Variants in TRAF3 observed in about 807,000 individuals in gnomAD.
TRAF3 encodes TNF receptor associated factor 3.
Under a neutral mutation model 62.3 loss-of-function variants are expected in TRAF3, and 13 were observed. The observed-to-expected ratio is 0.21, with a 90% CI of 0.14 to 0.33. The LOEUF (loss-of-function observed/expected upper bound fraction) is 0.33, where lower values mean the gene tolerates loss of function less well. TRAF3 is among the 10% of genes least tolerant of loss of function. TRAF3 has a pLI of 1.00. For synonymous variants in TRAF3, 269 were observed against 283.4 expected (o/e 0.95, Z 0.51); for missense variants, 440 against 741.8 (o/e 0.59, Z 4.73).
At position 102,811,061 on chromosome 14, in the gene TRAF3, T is replaced by G. The variant is rs578122324; in HGVS notation, c.-156-19273T>G. 3.9e-5 allele frequency among the ~76,000 whole-genome samples: 6 copies of G among 152,322 alleles called. 1 individual carries two copies. The South Asian group carries it at 1.2e-3, about 32-fold the overall frequency. On this transcript the variant is annotated intron_variant, in intron 1 of 11. Coordinates refer to ENST00000392745, the MANE Select transcript of TRAF3 (RefSeq NM_145725.3). ...ATTTTCCTCATTATCCCCACACCATTAGCATCTTGGTGTATAGTCTTTGCA... is the reference window on the plus strand; with the variant it reads ...ATTTTCCTCATTATCCCCACACCATGAGCATCTTGGTGTATAGTCTTTGCA...
At position 102,903,383 on chromosome 14, in the gene TRAF3, G is replaced by A; in HGVS notation, c.1089G>A (p.Glu363=). ...AGTCCCTCCAGAACCGCGTGACCGA[G>A]CTGGAGAGCGTGGACAAGAGCGCGG... ...SVESLQNRVT[E]LESVDKSAGQ... is the part of the protein sequence containing the mutation. The change falls in exon 11 of 12, where the codon GAG becomes GAA. Residue 363 remains glutamate (E), a synonymous_variant. Transcript: ENST00000392745. This position sits in a 1 kb window ranked among gnomAD's most constrained non-coding sequence, Gnocchi z 6.4. 1.9e-6 allele frequency: 3 copies of A among 1,614,166 alleles called. No homozygotes were observed. Among genetic ancestry groups the A allele is most frequent in the Non-Finnish European group, 2.5e-6 (3 of 1,180,040 alleles).
At chr14:102,885,452 C>G (rs1296639760) in intron 6 of TRAF3, among the ~76,000 whole-genome samples, 1 of 152,162 alleles carries the variant, frequency 6.6e-6, no homozygotes, top group Admixed American at 6.5e-5. Flanking sequence ...CAGTCTCTCC[C>G]CAGGGGCCCT....
chr14:102,900,203 A>AAAAAAAG (rs775030784), intron 10 of TRAF3, among the ~76,000 whole-genome samples: 3 of 143,870 alleles, frequency 2.1e-5, no homozygotes, highest in Non-Finnish European at 3.0e-5. Context: ...AAAAAAAAAA[A>AAAAAAAG]GACAGCCTAG....
At chr14:102,873,387 C>T (rs559905942) in intron 4 of TRAF3, among the ~76,000 whole-genome samples, 2 of 152,324 alleles carry the variant, frequency 1.3e-5, no homozygotes, top group Non-Finnish European at 2.9e-5. Context: ...TAGCATGGTA[C>T]TCGGCCGCCT....
intron 1 of TRAF3, among the ~76,000 whole-genome samples, chr14:102,820,144 A>G (rs1899803357): frequency 6.6e-6 from 1 of 152,124 alleles, no homozygotes; most frequent in Non-Finnish European, 1.5e-5. Context: ...AGCGTCCTCT[A>G]CAGGTGCGGT....
At chr14:102,820,814 T>TA (rs1899936591) in intron 1 of TRAF3, among the ~76,000 whole-genome samples, 1 of 150,508 alleles carries the variant, frequency 6.6e-6, no homozygotes, top group Non-Finnish European at 1.5e-5. Flanking sequence ...AAAATTTTTT[T>TA]ATAGAGACAG....
intron 2 of TRAF3, among the ~76,000 whole-genome samples, chr14:102,857,534 G>A (rs1887442160): frequency 6.6e-6 from 1 of 152,198 alleles, no homozygotes; most frequent in Non-Finnish European, 1.5e-5. Flanking sequence ...GCCAAGCCCA[G>A]CCATGGGTTT....
Position 102,905,948 on chromosome 14 carries a change from T to G in TRAF3, c.*164T>G. On this transcript the variant is annotated 3_prime_UTR_variant, in exon 12 of 12. Transcript: ENST00000392745. ...GGGAGGAGCCACGCGTGAGCACACC[T>G]GACACGTTTTATAATAGACTAGCCA... 1 of 603,748 alleles carries G rather than the reference T, an allele frequency of 1.7e-6. No individual in the cohort carries two copies. The highest frequency in any genetic ancestry group is 2.9e-6 in the Non-Finnish European group (1 of 340,796). The allele number at this position is 603,748 out of a possible 1,614,324, so 37.4% of individuals were successfully genotyped here. A position where few individuals can be genotyped will look rare whatever the true frequency, so the allele number is the denominator to read the frequency against.
At chr14:102,830,946 G>T (rs1380271062) in intron 2 of TRAF3, among the ~76,000 whole-genome samples, 4 of 152,202 alleles carry the variant, frequency 2.6e-5, no homozygotes, top group Non-Finnish European at 5.9e-5. Flanking sequence ...GTAATAAGAG[G>T]TTCGGCTTAC....
At chr14:102,836,145 G>T (rs1424763332) in intron 2 of TRAF3, among the ~76,000 whole-genome samples, 4 of 152,204 alleles carry the variant, frequency 2.6e-5, no homozygotes, top group Admixed American at 2.6e-4. Context: ...AGCCAGTGCC[G>T]TGTGCAAGGT....
intron 2 of TRAF3, among the ~76,000 whole-genome samples, chr14:102,857,038 A>G (rs1032268420): frequency 6.6e-6 from 1 of 152,246 alleles, no homozygotes; most frequent in African/African-American, 2.4e-5. Context: ...GTAAAGTAGA[A>G]TAACTAAAAT....
chr14:102,806,466 A>G (rs1406485279), intron 1 of TRAF3, among the ~76,000 whole-genome samples: 8 of 152,208 alleles, frequency 5.3e-5, no homozygotes, highest in Non-Finnish European at 2.9e-5. Context: ...AGTAGATACC[A>G]TTAGAAAAAT....
At chr14:102,821,058 A>G (rs978322293) in intron 1 of TRAF3, among the ~76,000 whole-genome samples, 1 of 152,184 alleles carries the variant, frequency 6.6e-6, no homozygotes, top group Non-Finnish European at 1.5e-5. Context: ...AAGCACTTTA[A>G]AAGGATGTAG....
intron 1 of TRAF3, among the ~76,000 whole-genome samples, chr14:102,786,341 A>G (rs1380473749): frequency 6.6e-6 from 1 of 152,206 alleles, no homozygotes; most frequent in African/African-American, 2.4e-5. Flanking sequence ...AATGATTACA[A>G]TGATAAATTT....
chr14:102,905,237 G>A lies in TRAF3; in HGVS notation c.1160G>A (p.Arg387Gln). 4 of 1,613,920 alleles carry A rather than the reference G, an allele frequency of 2.5e-6. No homozygotes were observed. The highest frequency in any genetic ancestry group is 3.4e-6 in the Non-Finnish European group (4 of 1,180,044). ...NTGLLESQLS[R>Q]HDQMLSVHDI... ...GGCCTGCTGGAGTCCCAGCTGAGCC[G>A]GCATGACCAGATGCTGAGTGTGCAC... is the stretch of plus-strand genomic sequence containing the variant. Residue 387 changes from arginine (R) to glutamine (Q), a missense_variant, in exon 12 of 12, where the codon CGG becomes CAG. Physicochemically the swap from Arg to Gln is conservative, Grantham distance 43. Transcript: ENST00000392745.
At chr14:102,803,609 C>T (rs1207595403) in intron 1 of TRAF3, among the ~76,000 whole-genome samples, 9 of 151,082 alleles carry the variant, frequency 6.0e-5, no homozygotes, top group Non-Finnish European at 1.0e-4. Context: ...CAGGGTCTCG[C>T]TCTGTTGCTT....
chr14:102,820,828 C>T (rs906370625), intron 1 of TRAF3, among the ~76,000 whole-genome samples: 1 of 150,840 alleles, frequency 6.6e-6, no homozygotes, highest in South Asian at 2.1e-4. Flanking sequence ...GAGACAGGGT[C>T]TCACTATGTT....
At chr14:102,805,402 C>T (rs898242001) in intron 1 of TRAF3, among the ~76,000 whole-genome samples, 1 of 152,148 alleles carries the variant, frequency 6.6e-6, no homozygotes, top group Non-Finnish European at 1.5e-5. Context: ...GAGCGATGTG[C>T]ATAAAGACAG....
At chr14:102,864,938 G>A (rs79217997) in intron 2 of TRAF3, among the ~76,000 whole-genome samples, 7,063 of 152,300 alleles carry the variant, frequency 0.046, 232 homozygotes, top group Non-Finnish European at 0.068. Flanking sequence ...AGTTGATTGT[G>A]AGAAATGTGT....
Sources: allele counts gnomAD v4.1 joint callset (sites outside exome capture counted in the v4.1 genomes callset), GRCh38; gene constraint gnomAD v4.1.1; non-coding constraint Gnocchi (gnomAD v3.1); transcripts MANE v1.5; gene names NCBI Gene and HGNC (gene_info 2026-07-23, HGNC 2026-07-21).